The following IPO5 variants were observed in gnomAD, a reference collection of about 807,000 sequenced individuals.
The protein encoded by IPO5 is importin 5, also known as importin-5.
IPO5 carries 18 observed loss-of-function variants against 143.3 expected under a neutral mutation model. The observed-to-expected ratio is 0.13, with a 90% CI of 0.09 to 0.19. The LOEUF is 0.19. Ranked by LOEUF, IPO5 falls within the 10% of genes least tolerant of loss-of-function variation. IPO5 has a pLI of 1.00. For synonymous variants in IPO5, 477 were observed against 465.7 expected (o/e 1.02, Z -0.31); for missense variants, 1,013 against 1,336.9 (o/e 0.76, Z 3.78).
intron 9 of IPO5, among the ~76,000 whole-genome samples, chr13:97,991,403 A>G (rs1887791937): frequency 1.3e-5 from 2 of 152,222 alleles, no homozygotes; most frequent in Non-Finnish European, 2.9e-5. Flanking sequence ...GATATTGGCA[A>G]GTCAAACACC....
intron 18 of IPO5, among the ~76,000 whole-genome samples, 156 bp downstream of exon 18, chr13:98,008,298 A>G (rs1256574866): frequency 2.0e-5 from 3 of 152,116 alleles, no homozygotes; most frequent in African/African-American, 4.8e-5. Flanking sequence ...CTGTTTCTCA[A>G]GCTACTTTTT....
chr13:97,973,217 T>C (rs1375829184), intron 3 of IPO5, among the ~76,000 whole-genome samples: 2 of 151,928 alleles, frequency 1.3e-5, no homozygotes, highest in Non-Finnish European at 2.9e-5. Flanking sequence ...TGATTTTTTT[T>C]TTGTATTTCT....
At chr13:97,976,073 C>A in intron 3 of IPO5, 9 of 564,972 alleles carry the variant, frequency 1.6e-5, no homozygotes, top group Admixed American at 6.4e-5. Flanking sequence ...AGCGAGGGAC[C>A]AAAGGGGTGG....
chr13:97,989,604 A>T (rs117023938), intron 7 of IPO5, among the ~76,000 whole-genome samples: 4,787 of 152,292 alleles, frequency 0.031, 108 homozygotes, highest in Non-Finnish European at 0.047. Context: ...ATTTATAACC[A>T]AATAGTCTAA....
In IPO5 at chr13:97,981,555, G is replaced by A. The variant is rs3848016; in HGVS notation, c.91-948G>A. Among the ~76,000 whole-genome samples, 967 of 152,314 alleles carry A rather than the reference G, an allele frequency of 6.3e-3. 11 individuals carry two copies. The highest frequency in any genetic ancestry group is 0.021 in the African/African-American group (891 of 41,560). ...TGTTCCAGAGAAGCCACGTATAGAGGTATGGTAGCAATGAGAGCAGGTAAG... is the reference window on the plus strand; with the variant it reads ...TGTTCCAGAGAAGCCACGTATAGAGATATGGTAGCAATGAGAGCAGGTAAG... On this transcript the variant is annotated intron_variant, in intron 4 of 28. Coordinates refer to ENST00000651721, the MANE Select transcript of IPO5 (RefSeq NM_002271.6).
Position 97,992,872 on chromosome 13 carries a change from TTC to T in IPO5, c.670-18_670-17del, listed in dbSNP as rs1887915736. The T allele has an allele frequency of 6.3e-7, 1 of 1,595,764 alleles. No individual in the cohort carries two copies. Among genetic ancestry groups the T allele is most frequent in the Non-Finnish European group, 8.6e-7 (1 of 1,168,410 alleles). On this transcript the variant is annotated intron_variant, in intron 9 of 28. Transcript: ENST00000651721. ...ATAAAGTGAATCTTCAGCACCGACT[TTC>T]TGTTTCATCTTTTCTAGGCGGTAAA...
intron 2 of IPO5, among the ~76,000 whole-genome samples, chr13:97,954,822 C>T (rs933608118): frequency 2.6e-5 from 4 of 152,106 alleles, no homozygotes; most frequent in African/African-American, 9.7e-5. Flanking sequence ...CGTCATTTGT[C>T]TGTGATGGAA....
At chr13:97,979,475 G>A (rs980334472) in intron 4 of IPO5, among the ~76,000 whole-genome samples, 11 of 152,156 alleles carry the variant, frequency 7.2e-5, no homozygotes, top group African/African-American at 2.7e-4. Flanking sequence ...CTCATTTGAA[G>A]AAACGTATGT....
chr13:97,959,680 G>A (rs1382355885), intron 2 of IPO5, among the ~76,000 whole-genome samples: 2 of 151,748 alleles, frequency 1.3e-5, no homozygotes, highest in Non-Finnish European at 2.9e-5. Flanking sequence ...GTTGCAGTGA[G>A]CCTAGATAGC....
In IPO5 at chr13:98,014,180, A is replaced by T. The variant is rs775003347; in HGVS notation, c.2291A>T (p.Asp764Val). The T allele has an allele frequency of 2.2e-5, 35 of 1,612,762 alleles. No homozygotes were observed. Among genetic ancestry groups the T allele is most frequent in the Non-Finnish European group, 3.0e-5 (35 of 1,179,328 alleles). ...GCCATTGGTACAGAACCAGATTCAG[A>T]CGTCCTCTCAGAAATAATGCATTCT... ...IKAIGTEPDS[D>V]VLSEIMHSFA... The change falls in exon 22 of 29, where the codon GAC (aspartate) becomes GTC (valine). Residue 764 changes from aspartate to valine, a missense_variant. Physicochemically the swap from Asp to Val is radical, Grantham distance 152. Transcript: ENST00000651721.
chr13:97,983,091 G>A (rs1040986250), intron 5 of IPO5, among the ~76,000 whole-genome samples: 12 of 152,102 alleles, frequency 7.9e-5, no homozygotes, highest in South Asian at 2.1e-4. Flanking sequence ...GGCTGGTCTC[G>A]AACTCCTGAC....
intron 4 of IPO5, chr13:97,981,187 G>T (rs1886815439): frequency 2.3e-6 from 1 of 442,846 alleles, no homozygotes; most frequent in Admixed American, 2.6e-5. Context: ...ATGGGAACTT[G>T]AGGTTATCAG....
chr13:97,988,921 T>C, intron 6 of IPO5, 141 bp from the exon 7 acceptor site: 1 of 535,344 alleles, frequency 1.9e-6, no homozygotes, highest in South Asian at 2.8e-5. Context: ...GGACAGAATT[T>C]TGTGGAGTTT....
chr13:97,996,226 T>A (rs908533185), intron 11 of IPO5, among the ~76,000 whole-genome samples: 1 of 152,104 alleles, frequency 6.6e-6, no homozygotes. Flanking sequence ...ATTTTTGTGT[T>A]TTTTGGTAGA....
At position 97,992,918 on chromosome 13, in the gene IPO5, T is replaced by C; in HGVS notation, c.696T>C (p.Asn232=). Residue 232 remains asparagine, a synonymous_variant, in exon 10 of 29, where the codon AAT becomes AAC. Transcript: ENST00000651721. ...LQAVNDSCYQ[N]DDSVLKSLVE... Reference sequence around the variant, plus strand: ...CGGTAAATGACTCGTGCTACCAGAATGATGATTCTGTCCTAAAATCCCTCG... The same window carrying C: ...CGGTAAATGACTCGTGCTACCAGAACGATGATTCTGTCCTAAAATCCCTCG... 1 of 1,613,170 alleles carries C rather than the reference T, an allele frequency of 6.2e-7. No homozygotes were observed. The highest frequency in any genetic ancestry group is 8.5e-7 in the Non-Finnish European group (1 of 1,179,324).
rs760431668 is a variant in IPO5, at chr13:98,009,865, T to G, written c.1801-16T>G. On this transcript the variant is annotated splice_polypyrimidine_tract_variant and intron_variant, in intron 18 of 28. Transcript: ENST00000651721. ...ATTGTTTTTTAATCTATTTTAATTT[T>G]AAAATTTTTCCCCAGATCTCTTACA... 44 of 1,552,288 alleles carry G rather than the reference T, an allele frequency of 2.8e-5. No individual in the cohort carries two copies. The highest frequency in any genetic ancestry group is 3.7e-5 in the Non-Finnish European group (43 of 1,147,894).
intron 6 of IPO5, 49 bp downstream of exon 6, chr13:97,985,662 C>CTTTTT: frequency 9.0e-7 from 1 of 1,115,436 alleles, no homozygotes; most frequent in Non-Finnish European, 1.3e-6. Flanking sequence ...GTATATCCTT[C>CTTTTT]CTTTTTTTTT....
At chr13:98,017,099 A>G (rs1243323419) in intron 25 of IPO5, among the ~76,000 whole-genome samples, 1 of 151,990 alleles carries the variant, frequency 6.6e-6, no homozygotes, top group African/African-American at 2.4e-5. Flanking sequence ...TATATAAGTG[A>G]TTTTTTTTAT....
Position 98,007,941 on chromosome 13 carries a change from A to C in IPO5, c.1717-118A>C, listed in dbSNP as rs953546760. On this transcript the variant is annotated intron_variant, in intron 17 of 28. Transcript: ENST00000651721. ...TGAGAATTTTTCAATATGATAGTTT[A>C]TCTATGAAAGTTATGACCTATGTGG... 2.8e-5 allele frequency: 17 copies of C among 609,188 alleles called. No individual in the cohort carries two copies. In the African/African-American group the frequency reaches 2.8e-4, roughly 10 times the overall value. 37.7% of individuals were successfully genotyped at this position (609,188 alleles called of 1,614,324 possible).
Sources: gnomAD v4.1 joint callset for allele counts (sites outside exome capture counted in the v4.1 genomes callset) on GRCh38, gnomAD v4.1.1 for gene constraint, MANE v1.5 for transcripts, NCBI Gene and HGNC (gene_info 2026-07-23, HGNC 2026-07-21) for gene names.